Variants in SGCZ observed in about 807,000 individuals in gnomAD.
SGCZ encodes sarcoglycan zeta, also known as zeta-sarcoglycan.
Under a neutral mutation model 41.3 loss-of-function variants are expected in SGCZ, and 40 were observed. That is an observed-to-expected ratio of 0.97 (90% CI 0.75 to 1.26). The LOEUF (loss-of-function observed/expected upper bound fraction) is 1.26, where lower values mean the gene tolerates loss of function less well. Among genes scored for constraint, SGCZ ranks in the 50% most tolerant of loss-of-function variants. SGCZ has a pLI of 0.00. For missense variants in SGCZ, 552 were observed against 369.8 expected, an observed-to-expected ratio of 1.49 and a Z score of -4.04; for synonymous variants, 206 against 137.5, an observed-to-expected ratio of 1.50 and a Z score of -3.49.
At chr8:14,880,897 A>G (rs532809556) in intron 1 of SGCZ, among the ~76,000 whole-genome samples, 2 of 152,244 alleles carry the variant, frequency 1.3e-5, no homozygotes, top group East Asian at 3.9e-4. Flanking sequence ...TGGCACATGT[A>G]TACATATGTA....
At chr8:14,694,585 G>A (rs1210407041) in intron 1 of SGCZ, among the ~76,000 whole-genome samples, 1 of 152,064 alleles carries the variant, frequency 6.6e-6, no homozygotes, top group East Asian at 1.9e-4. Flanking sequence ...AGCCTGCTCT[G>A]ATAGAATCTG....
At chr8:14,941,492 G>C (rs2130820921) in intron 1 of SGCZ, among the ~76,000 whole-genome samples, 1 of 152,116 alleles carries the variant, frequency 6.6e-6, no homozygotes, top group South Asian at 2.1e-4. Flanking sequence ...AACATGGATA[G>C]TATGTTTATA....
At chr8:15,191,531 A>G (rs1800536293) in intron 1 of SGCZ, among the ~76,000 whole-genome samples, 1 of 152,014 alleles carries the variant, frequency 6.6e-6, no homozygotes, top group Non-Finnish European at 1.5e-5. Flanking sequence ...ATCATGTTAG[A>G]TCTCAAATTC....
chr8:14,121,882 A>G (rs1022994739), intron 5 of SGCZ, among the ~76,000 whole-genome samples: 1 of 152,170 alleles, frequency 6.6e-6, no homozygotes, highest in African/African-American at 2.4e-5. Flanking sequence ...TTTTTTAAAA[A>G]TTTTTTATTA....
intron 1 of SGCZ, among the ~76,000 whole-genome samples, chr8:14,951,520 A>C (rs1446708093): frequency 2.0e-5 from 3 of 152,020 alleles, no homozygotes; most frequent in Non-Finnish European, 2.9e-5. Context: ...ATCATTCCTA[A>C]ATGCAGCTGT....
At chr8:15,157,225 A>G (rs1455574967) in intron 1 of SGCZ, among the ~76,000 whole-genome samples, 4 of 151,954 alleles carry the variant, frequency 2.6e-5, no homozygotes, top group Admixed American at 1.3e-4. Context: ...TCACAATATG[A>G]TATTTTTCTC....
intron 1 of SGCZ, among the ~76,000 whole-genome samples, chr8:14,782,936 T>C (rs2130440058): frequency 6.6e-6 from 1 of 152,316 alleles, no homozygotes; most frequent in South Asian, 2.1e-4. Flanking sequence ...TATTACATGC[T>C]GTTTGGATAC....
chr8:14,093,297 T>C (rs1484099708), intron 7 of SGCZ, among the ~76,000 whole-genome samples: 1 of 152,066 alleles, frequency 6.6e-6, no homozygotes, highest in Admixed American at 6.6e-5. Context: ...TCATTGACTT[T>C]ACATATTCCT....
intron 1 of SGCZ, among the ~76,000 whole-genome samples, chr8:14,737,407 C>T (rs1799069941): frequency 6.6e-6 from 1 of 151,826 alleles, no homozygotes; most frequent in Non-Finnish European, 1.5e-5. Context: ...TAAGTTGTAC[C>T]TTTTTTATTG....
chr8:15,205,393 C>A (rs1241924497), intron 1 of SGCZ, among the ~76,000 whole-genome samples: 1 of 152,018 alleles, frequency 6.6e-6, no homozygotes, highest in East Asian at 1.9e-4. Flanking sequence ...CTATAAGGAA[C>A]TTAAATTTAT....
At chr8:14,544,986 C>T (rs6991704) in intron 2 of SGCZ, among the ~76,000 whole-genome samples, 2,355 of 152,194 alleles carry the variant, frequency 0.015, 54 homozygotes, top group African/African-American at 0.054. Flanking sequence ...CCTTTTGAAA[C>T]CTTTAATAAA....
At chr8:14,523,336 T>C (rs562468966) in intron 2 of SGCZ, among the ~76,000 whole-genome samples, 1 of 152,178 alleles carries the variant, frequency 6.6e-6, no homozygotes, top group African/African-American at 2.4e-5. Context: ...AGCCACTCCT[T>C]TAGGATAGAT....
At chr8:14,398,702 G>A (rs1161310663) in intron 2 of SGCZ, among the ~76,000 whole-genome samples, 1 of 152,118 alleles carries the variant, frequency 6.6e-6, no homozygotes, top group African/African-American at 2.4e-5. Flanking sequence ...AATTCTTCCT[G>A]ATTTACAGAA....
intron 1 of SGCZ, among the ~76,000 whole-genome samples, chr8:14,972,035 T>A (rs957656385): frequency 1.3e-5 from 2 of 152,206 alleles, no homozygotes; most frequent in Non-Finnish European, 2.9e-5. Context: ...TTTCGGGTTA[T>A]TACTGGCTTC....
At chr8:14,282,886 G>A (rs1370178628) in intron 3 of SGCZ, among the ~76,000 whole-genome samples, 1 of 106,922 alleles carries the variant, frequency 9.4e-6, no homozygotes, top group East Asian at 3.0e-4. Context: ...GTCTCACTCT[G>A]TCACCCAGGC....
intron 1 of SGCZ, among the ~76,000 whole-genome samples, chr8:14,644,204 T>A (rs941780779): frequency 2.0e-5 from 3 of 151,760 alleles, no homozygotes; most frequent in Admixed American, 6.6e-5. Flanking sequence ...ATAAAGGTAT[T>A]TTTTTAGATG....
chr8:15,102,245 T>A (rs146012194), intron 1 of SGCZ, among the ~76,000 whole-genome samples: 1 of 152,210 alleles, frequency 6.6e-6, no homozygotes, highest in Non-Finnish European at 1.5e-5. Flanking sequence ...TTCCAAGCCA[T>A]GGAAGGTCAT....
At chr8:15,025,647 G>A (rs1482492053) in intron 1 of SGCZ, among the ~76,000 whole-genome samples, 1 of 152,074 alleles carries the variant, frequency 6.6e-6, no homozygotes, top group Non-Finnish European at 1.5e-5. Flanking sequence ...ATGCCATGTA[G>A]GACTTACATC....
At chr8:14,100,215 G>GATTTATTTACAGCACAATACTCATTT (rs1191440045) in intron 7 of SGCZ, among the ~76,000 whole-genome samples, 1 of 151,554 alleles carries the variant, frequency 6.6e-6, no homozygotes, top group African/African-American at 2.4e-5. Context: ...CTGTGGCTAT[G>GATTTATTTACAGCACAATACTCATTT]ATTTATTTAC....
Sources: gnomAD v4.1 joint callset for allele counts (sites outside exome capture counted in the v4.1 genomes callset) on GRCh38, gnomAD v4.1.1 for gene constraint, MANE v1.5 for transcripts, NCBI Gene and HGNC (gene_info 2026-07-23, HGNC 2026-07-21) for gene names.